The following MTMR6 variants were observed in gnomAD, a reference collection of about 807,000 sequenced individuals.
MTMR6 encodes myotubularin related protein 6.
Under a neutral mutation model 80.1 loss-of-function variants are expected in MTMR6, and 47 were observed. The observed-to-expected ratio is 0.59, with a 90% CI of 0.46 to 0.75. MTMR6 has a LOEUF of 0.75. MTMR6 is among the 30% of genes least tolerant of loss of function. MTMR6 has a pLI of 0.00. For synonymous variants in MTMR6, 254 were observed against 253.0 expected (o/e 1.00, Z -0.04); for missense variants, 629 against 730.9 (o/e 0.86, Z 1.61).
At chr13:25,249,617 A>T in intron 13 of MTMR6, 125 bp from the exon 14 acceptor site, 1 of 985,272 alleles carries the variant, frequency 1.0e-6, no homozygotes, top group East Asian at 2.6e-5. Context: ...AAATCTCAAA[A>T]AAGTAGAAAC....
intron 1 of MTMR6, among the ~76,000 whole-genome samples, chr13:25,284,220 TA>T (rs1957913844): frequency 6.6e-6 from 1 of 152,148 alleles, no homozygotes; most frequent in Admixed American, 6.6e-5. Flanking sequence ...ACAATTAGAT[TA>T]AAACTAGAGA....
At chr13:25,274,020 G>T in intron 2 of MTMR6, 51 bp downstream of exon 2, 1 of 1,212,264 alleles carries the variant, frequency 8.2e-7, no homozygotes, top group Non-Finnish European at 1.2e-6. Context: ...AAACATGACA[G>T]ACCAAGTCCA....
chr13:25,277,783 C>T (rs891386647), intron 1 of MTMR6, among the ~76,000 whole-genome samples: 13 of 152,300 alleles, frequency 8.5e-5, no homozygotes, highest in Admixed American at 5.9e-4. Context: ...TCTATCCCCA[C>T]TCCATCATTC....
In MTMR6 at chr13:25,250,417, T is replaced by C. The variant is rs531557913; in HGVS notation, c.1606-925A>G. ...AGGCTGGACAAAACCATTTGTAATA[T>C]ATATAACTAACAAAGAATTAGTGCC... On this transcript the variant is annotated intron_variant, in intron 13 of 13. Transcript: ENST00000381801. 6.6e-5 allele frequency among the ~76,000 whole-genome samples: 10 copies of C among 152,266 alleles called. No homozygotes were observed. In the East Asian group the frequency reaches 1.9e-3, roughly 29 times the overall value.
intron 1 of MTMR6, among the ~76,000 whole-genome samples, chr13:25,286,785 T>G (rs1957961951): frequency 6.6e-6 from 1 of 151,696 alleles, no homozygotes; most frequent in Non-Finnish European, 1.5e-5. Flanking sequence ...AAACTCGTAC[T>G]GTGAATCTGT....
intron 7 of MTMR6, 63 bp downstream of exon 7, chr13:25,258,497 A>C: frequency 7.1e-7 from 1 of 1,407,574 alleles, no homozygotes; most frequent in Non-Finnish European, 9.5e-7. Context: ...ATTCTAAATT[A>C]CATGTGACTA....
At chr13:25,260,017 G>A (rs1256626508) in intron 6 of MTMR6, among the ~76,000 whole-genome samples, 4 of 145,020 alleles carry the variant, frequency 2.8e-5, no homozygotes, top group African/African-American at 5.1e-5. Context: ...GCCTGCCATC[G>A]CACCCAGCTA....
intron 5 of MTMR6, among the ~76,000 whole-genome samples, chr13:25,264,933 C>T (rs1331443387): frequency 6.6e-6 from 1 of 151,916 alleles, no homozygotes; most frequent in Non-Finnish European, 1.5e-5. Context: ...GTCAGTTTCC[C>T]CACTTGAAAG....
chr13:25,283,206 T>G (rs115819922), intron 1 of MTMR6, among the ~76,000 whole-genome samples: 1 of 151,934 alleles, frequency 6.6e-6, no homozygotes, highest in Non-Finnish European at 1.5e-5. Context: ...GGCAAGAGAG[T>G]GTGGTTAAGA....
chr13:25,257,040 A>G (rs1211081882), intron 9 of MTMR6, among the ~76,000 whole-genome samples, 156 bp downstream of exon 9: 1 of 152,186 alleles, frequency 6.6e-6, no homozygotes, highest in African/African-American at 2.4e-5. Flanking sequence ...TGCATTATAA[A>G]ATGTTTAGTT....
intron 1 of MTMR6, among the ~76,000 whole-genome samples, chr13:25,279,751 G>A (rs191646018): frequency 2.0e-5 from 3 of 152,158 alleles, no homozygotes; most frequent in African/African-American, 7.2e-5. Context: ...TCAGCAAAAT[G>A]TTCTTCACTA....
Position 25,251,578 on chromosome 13 carries a change from C to T in MTMR6, c.1605+71G>A. 4 of 1,306,392 alleles carry T rather than the reference C, an allele frequency of 3.1e-6. No homozygotes were observed. The highest frequency in any genetic ancestry group is 1.4e-5 in the South Asian group (1 of 72,240). 80.9% of individuals were successfully genotyped at this position (1,306,392 alleles called of 1,614,324 possible). A position where few individuals can be genotyped will look rare whatever the true frequency, so the allele number is the denominator to read the frequency against. ...AAGTTTATGTGCTGATTTACACCAA[C>T]AATACAAATATTAGTCTAATCGTAA... On this transcript the variant is annotated intron_variant, in intron 13 of 13. Coordinates refer to ENST00000381801, the MANE Select transcript of MTMR6 (RefSeq NM_004685.5). The surrounding 1 kb of genome is among the most constrained non-coding windows in gnomAD (Gnocchi z 4.1).
chr13:25,266,740 C>G (rs1486556112), intron 3 of MTMR6, among the ~76,000 whole-genome samples: 1 of 152,180 alleles, frequency 6.6e-6, no homozygotes, highest in Non-Finnish European at 1.5e-5. Context: ...TTGCACAGAA[C>G]TCTTGGGGTG....
At chr13:25,255,828 T>G in intron 9 of MTMR6, among the ~76,000 whole-genome samples, 1 of 152,136 alleles carries the variant, frequency 6.6e-6, no homozygotes, top group East Asian at 1.9e-4. Context: ...AGCCACTGAC[T>G]CTACTCTCTA....
chr13:25,252,070 G>T, intron 11 of MTMR6, 86 bp from the exon 12 acceptor site: 3 of 1,421,458 alleles, frequency 2.1e-6, no homozygotes, highest in East Asian at 4.6e-5. Flanking sequence ...TCAGGCGATG[G>T]CTTCCGAAGC....
chr13:25,279,609 A>C (rs928320680), intron 1 of MTMR6, among the ~76,000 whole-genome samples: 2 of 152,238 alleles, frequency 1.3e-5, no homozygotes, highest in Non-Finnish European at 2.9e-5. Context: ...ACAGTCCTCT[A>C]TGTCAAGCTA....
At chr13:25,267,312 A>G (rs1957480772) in intron 3 of MTMR6, among the ~76,000 whole-genome samples, 1 of 151,938 alleles carries the variant, frequency 6.6e-6, no homozygotes, top group Non-Finnish European at 1.5e-5. Flanking sequence ...CTTCTACTAA[A>G]ATAGAATTCA....
chr13:25,280,296 T>C (rs1381941513), intron 1 of MTMR6, among the ~76,000 whole-genome samples: 1 of 152,354 alleles, frequency 6.6e-6, no homozygotes, highest in Admixed American at 6.5e-5. Context: ...TACATACAAC[T>C]GCTTCAATGG....
At chr13:25,283,890 G>A (rs966533751) in intron 1 of MTMR6, among the ~76,000 whole-genome samples, 18 of 152,182 alleles carry the variant, frequency 1.2e-4, no homozygotes, top group African/African-American at 3.9e-4. Flanking sequence ...AGCTCAAAGC[G>A]ATAGGTAGTA....
Sources: allele counts gnomAD v4.1 joint callset (sites outside exome capture counted in the v4.1 genomes callset), GRCh38; gene constraint gnomAD v4.1.1; non-coding constraint Gnocchi (gnomAD v3.1); transcripts MANE v1.5; gene names NCBI Gene and HGNC (gene_info 2026-07-23, HGNC 2026-07-21).